SOX6: variants seen among roughly 807,000 people sequenced by gnomAD.
SOX6 encodes SRY-box transcription factor 6.
In SOX6, 11 loss-of-function variants were observed where a neutral mutation model predicts 97.8. That is an observed-to-expected ratio of 0.11 (90% CI 0.07 to 0.19). The LOEUF is 0.19. Ranked by LOEUF, SOX6 falls within the 10% of genes least tolerant of loss-of-function variation. The pLI, the probability that SOX6 is intolerant of heterozygous loss-of-function variation, is 1.00. For missense variants in SOX6, 810 were observed against 1,039.5 expected (o/e 0.78, Z 3.04); for synonymous variants, 360 against 371.4 (o/e 0.97, Z 0.35).
chr11:15,979,957 A>C (rs1326534548), intron 15 of SOX6, among the ~76,000 whole-genome samples: 1 of 152,082 alleles, frequency 6.6e-6, no homozygotes, highest in Non-Finnish European at 1.5e-5. Flanking sequence ...ATGAGACAAA[A>C]ATTTTCACTG....
chr11:16,608,580 C>T (rs1016356417), intron 4 of SOX6, among the ~76,000 whole-genome samples: 7 of 149,850 alleles, frequency 4.7e-5, no homozygotes, highest in South Asian at 2.1e-4. Flanking sequence ...ACATTTTAAA[C>T]GATGGAGGAG....
intron 6 of SOX6, among the ~76,000 whole-genome samples, chr11:16,178,102 C>T (rs1851248145): frequency 6.6e-6 from 1 of 151,942 alleles, no homozygotes; most frequent in East Asian, 1.9e-4. Flanking sequence ...CTCGGAAAAA[C>T]AGGTAACTAG....
chr11:16,080,338 A>T (rs1848447388), intron 9 of SOX6, among the ~76,000 whole-genome samples: 1 of 152,030 alleles, frequency 6.6e-6, no homozygotes, highest in African/African-American at 2.4e-5. Context: ...AAAGAATAGT[A>T]TAGTAAACCA....
At chr11:16,032,604 A>G (rs1473475289) in intron 12 of SOX6, among the ~76,000 whole-genome samples, 2 of 151,986 alleles carry the variant, frequency 1.3e-5, no homozygotes, top group African/African-American at 2.4e-5. Flanking sequence ...CACCACTACC[A>G]TCATTATCCT....
At chr11:16,260,213 G>A (rs758590624) in intron 3 of SOX6, among the ~76,000 whole-genome samples, 4 of 151,920 alleles carry the variant, frequency 2.6e-5, no homozygotes, top group Admixed American at 6.6e-5. Context: ...TGTTAGCCAC[G>A]ATGGTCTCGA....
intron 4 of SOX6, among the ~76,000 whole-genome samples, chr11:16,543,547 C>G (rs1861439505): frequency 6.6e-6 from 1 of 152,032 alleles, no homozygotes; most frequent in Non-Finnish European, 1.5e-5. Context: ...CAAATCATAT[C>G]TAAGTAGGGC....
chr11:15,978,923 A>T (rs1328835106), intron 15 of SOX6, among the ~76,000 whole-genome samples: 1 of 138,138 alleles, frequency 7.2e-6, no homozygotes, highest in Non-Finnish European at 1.6e-5. Flanking sequence ...AGCATTATAT[A>T]TTATATATTA....
intron 3 of SOX6, among the ~76,000 whole-genome samples, chr11:16,706,584 C>A (rs1371477777): frequency 7.5e-6 from 1 of 133,106 alleles, no homozygotes; most frequent in Non-Finnish European, 1.5e-5. Flanking sequence ...GAAAAAAGGG[C>A]CCAGCAAACA....
At chr11:16,443,635 C>T (rs1012885619) in intron 1 of SOX6, among the ~76,000 whole-genome samples, 9 of 152,012 alleles carry the variant, frequency 5.9e-5, no homozygotes, top group African/African-American at 2.2e-4. Flanking sequence ...GGGTAAATTG[C>T]ATATTGCTGG....
In SOX6 at chr11:16,641,391, G is replaced by A. The variant is rs138283050; in HGVS notation, n.430-29131C>T. 5.2e-3 allele frequency among the ~76,000 whole-genome samples: 795 copies of A among 152,278 alleles called. 3 individuals are homozygous for A. The highest frequency in any genetic ancestry group is 8.5e-3 in the Non-Finnish European group (580 of 68,016). On this transcript the variant is annotated intron_variant and non_coding_transcript_variant, in intron 3 of 5. Coordinates refer to the SOX6 transcript ENST00000524520. ...TGAGAAGAATGTATATGTTGATTTGGGGTGGAGAGTTCTGTAGATGTCTAT... is the reference window on the plus strand; with the variant it reads ...TGAGAAGAATGTATATGTTGATTTGAGGTGGAGAGTTCTGTAGATGTCTAT...
intron 4 of SOX6, among the ~76,000 whole-genome samples, chr11:16,551,347 T>A (rs761040274): frequency 1.3e-4 from 20 of 152,092 alleles, no homozygotes; most frequent in Non-Finnish European, 2.5e-4. Flanking sequence ...AGACCCTGTC[T>A]CATTAAAATA....
chr11:16,224,221 T>C (rs1852621330), intron 4 of SOX6, among the ~76,000 whole-genome samples: 1 of 152,090 alleles, frequency 6.6e-6, no homozygotes, highest in Non-Finnish European at 1.5e-5. Context: ...AGTTTCAGAT[T>C]CTTTTTCAGT....
intron 4 of SOX6, among the ~76,000 whole-genome samples, chr11:16,577,406 C>T (rs1847993901): frequency 6.6e-6 from 1 of 152,098 alleles, no homozygotes; most frequent in Non-Finnish European, 1.5e-5. Context: ...TGTCCTATTT[C>T]AGAGAGAGTC....
At chr11:16,221,166 T>C (rs1472171327) in intron 4 of SOX6, among the ~76,000 whole-genome samples, 2 of 152,090 alleles carry the variant, frequency 1.3e-5, no homozygotes, top group East Asian at 1.9e-4. Context: ...GCTAAGACAT[T>C]ATTTGCATGT....
chr11:16,133,410 G>GA (rs1159880173), intron 6 of SOX6, among the ~76,000 whole-genome samples: 1 of 152,094 alleles, frequency 6.6e-6, no homozygotes, highest in African/African-American at 2.4e-5. Flanking sequence ...GTAGGTAGGA[G>GA]AAAAAACTCT....
At chr11:16,394,481 C>A (rs988195488) in intron 1 of SOX6, among the ~76,000 whole-genome samples, 3 of 151,922 alleles carry the variant, frequency 2.0e-5, no homozygotes, top group Admixed American at 2.0e-4. Context: ...GACTTAATTA[C>A]AAATGCCAGC....
intron 1 of SOX6, among the ~76,000 whole-genome samples, chr11:16,376,789 G>T (rs765421119): frequency 6.6e-6 from 1 of 151,970 alleles, no homozygotes; most frequent in Non-Finnish European, 1.5e-5. Context: ...AAAACCTACT[G>T]CACTATAGAT....
chr11:16,674,070 G>T (rs1847866845), intron 3 of SOX6, among the ~76,000 whole-genome samples: 2 of 151,010 alleles, frequency 1.3e-5, no homozygotes, highest in Non-Finnish European at 2.9e-5. Context: ...GGCGCCTGTA[G>T]TCCCAGCTAC....
intron 1 of SOX6, among the ~76,000 whole-genome samples, chr11:16,375,433 C>T (rs1239562924): frequency 6.6e-6 from 1 of 151,684 alleles, no homozygotes; most frequent in Non-Finnish European, 1.5e-5. Flanking sequence ...AAATTAGAAC[C>T]CAGTTCTCCA....
Sources: gnomAD v4.1 joint callset for allele counts (sites outside exome capture counted in the v4.1 genomes callset) on GRCh38, gnomAD v4.1.1 for gene constraint, MANE v1.5 for transcripts, NCBI Gene and HGNC (gene_info 2026-07-23, HGNC 2026-07-21) for gene names.